The following SEMA6D variants were observed in gnomAD, a reference collection of about 807,000 sequenced individuals.
The protein encoded by SEMA6D is semaphorin-6D.
In SEMA6D, 35 loss-of-function variants were observed where a neutral mutation model predicts 106.6. That is an observed-to-expected ratio of 0.33 (90% confidence interval 0.25 to 0.44). SEMA6D has a LOEUF of 0.44. SEMA6D is among the 20% of genes least tolerant of loss of function. The pLI is 1.00. For synonymous variants in SEMA6D, 499 were observed against 487.7 expected (o/e 1.02, Z -0.31); for missense variants, 1,185 against 1,345.9 (o/e 0.88, Z 1.87).
At chr15:47,591,158 C>G (rs924356948) in intron 3 of SEMA6D, among the ~76,000 whole-genome samples, 3 of 152,164 alleles carry the variant, frequency 2.0e-5, no homozygotes, top group African/African-American at 7.2e-5. Context: ...GTTGCTGCAT[C>G]CTCATGAGGT....
chr15:47,475,021 A>G (rs1399778476), intron 3 of SEMA6D, among the ~76,000 whole-genome samples: 2 of 152,148 alleles, frequency 1.3e-5, no homozygotes, highest in East Asian at 3.8e-4. Context: ...CCCTGCTGAC[A>G]TTTCATTGGC....
At chr15:47,617,813 G>C (rs181602587) in intron 4 of SEMA6D, among the ~76,000 whole-genome samples, 3 of 152,186 alleles carry the variant, frequency 2.0e-5, no homozygotes, top group Non-Finnish European at 4.4e-5. Flanking sequence ...TAAACACTTA[G>C]AACATTGCCT....
At chr15:47,433,187 T>A (rs1344514459) in intron 2 of SEMA6D, among the ~76,000 whole-genome samples, 1 of 152,088 alleles carries the variant, frequency 6.6e-6, no homozygotes, top group Non-Finnish European at 1.5e-5. Context: ...TTCTTCTTAA[T>A]TATGTTGTTA....
intron 2 of SEMA6D, among the ~76,000 whole-genome samples, chr15:47,441,312 A>G (rs2041874327): frequency 6.6e-6 from 1 of 152,128 alleles, no homozygotes; most frequent in Non-Finnish European, 1.5e-5. Flanking sequence ...GACAAGTTAA[A>G]CAGAGAAGTA....
chr15:47,641,067 G>A (rs1418145962), intron 4 of SEMA6D, among the ~76,000 whole-genome samples: 3 of 152,152 alleles, frequency 2.0e-5, no homozygotes, highest in South Asian at 2.1e-4. Flanking sequence ...TAAATGGAGC[G>A]GAGTGGGAGG....
In SEMA6D at chr15:47,773,737, A is replaced by G. The variant is rs1158158044; in HGVS notation, c.*1952A>G. The G allele has an allele frequency of 6.6e-6, 1 of 152,636 alleles. No individual in the cohort carries two copies. Among genetic ancestry groups the G allele is most frequent in the African/African-American group, 2.4e-5 (1 of 41,440 alleles). 9.5% of individuals were successfully genotyped at this position (152,636 alleles called of 1,614,324 possible). On this transcript the variant is annotated 3_prime_UTR_variant, in exon 19 of 19. Transcript: ENST00000536845. ...AAAATTTCTGTTCTTGAAACACTTCAGCTTTGCAACTAAAATATTACAGAT... is the reference window on the plus strand; with the variant it reads ...AAAATTTCTGTTCTTGAAACACTTCGGCTTTGCAACTAAAATATTACAGAT...
chr15:47,362,532 C>T (rs2038851817), intron 1 of SEMA6D, among the ~76,000 whole-genome samples: 1 of 152,186 alleles, frequency 6.6e-6, no homozygotes, highest in Non-Finnish European at 1.5e-5. Flanking sequence ...GCACTGATGC[C>T]TGCTGACTAC....
At chr15:47,367,913 G>A (rs1027706588) in intron 1 of SEMA6D, among the ~76,000 whole-genome samples, 1 of 151,588 alleles carries the variant, frequency 6.6e-6, no homozygotes, top group African/African-American at 2.4e-5. Context: ...GTTTAGCTTT[G>A]ACAAGATGAG....
At chr15:47,394,314 A>G (rs1320862758) in intron 1 of SEMA6D, among the ~76,000 whole-genome samples, 1 of 152,218 alleles carries the variant, frequency 6.6e-6, no homozygotes, top group Non-Finnish European at 1.5e-5. Flanking sequence ...TTACAAAAAA[A>G]GAAAAGAAAA....
At chr15:47,314,665 A>T (rs1664360475) in intron 1 of SEMA6D, among the ~76,000 whole-genome samples, 1 of 149,698 alleles carries the variant, frequency 6.7e-6, no homozygotes, top group Non-Finnish European at 1.5e-5. Context: ...TTTTAATCAG[A>T]TACTTCTTTT....
chr15:47,442,310 T>C (rs544463076), intron 2 of SEMA6D, among the ~76,000 whole-genome samples: 17 of 152,232 alleles, frequency 1.1e-4, no homozygotes, highest in Admixed American at 8.5e-4. Flanking sequence ...GGCAGTGGGC[T>C]ATAACCACCC....
intron 1 of SEMA6D, among the ~76,000 whole-genome samples, chr15:47,213,598 A>G (rs922869126): frequency 6.6e-6 from 1 of 152,204 alleles, no homozygotes; most frequent in African/African-American, 2.4e-5. Flanking sequence ...ATGCTTAGCT[A>G]TCCCCAGGTT....
intron 1 of SEMA6D, among the ~76,000 whole-genome samples, chr15:47,360,924 C>A (rs2038781860): frequency 6.6e-6 from 1 of 152,214 alleles, no homozygotes; most frequent in Admixed American, 6.5e-5. Context: ...GTCTTTGAAA[C>A]CAGCCAACCT....
chr15:47,365,463 T>G (rs1225608136), intron 1 of SEMA6D, among the ~76,000 whole-genome samples: 3 of 152,166 alleles, frequency 2.0e-5, no homozygotes, highest in Non-Finnish European at 4.4e-5. Flanking sequence ...CAGATAGAAA[T>G]TTGTTTCTAA....
intron 2 of SEMA6D, among the ~76,000 whole-genome samples, chr15:47,439,039 G>C (rs395722): frequency 6.6e-6 from 1 of 151,306 alleles, no homozygotes; most frequent in Non-Finnish European, 1.5e-5. Context: ...GAGTTCACCA[G>C]CTAAAAGAAA....
At chr15:47,335,985 G>A (rs570629794) in intron 1 of SEMA6D, among the ~76,000 whole-genome samples, 9 of 152,124 alleles carry the variant, frequency 5.9e-5, no homozygotes, top group Non-Finnish European at 1.2e-4. Context: ...AAGTCAGAAG[G>A]CAGAGATTAC....
rs150702273 is a variant in SEMA6D, at chr15:47,200,221, T to G, written c.-239+15803T>G. Among the ~76,000 whole-genome samples the G allele has an allele frequency of 2.4e-3, 367 of 152,266 alleles. 3 individuals are homozygous for G. The highest frequency in any genetic ancestry group is 8.6e-3 in the African/African-American group (356 of 41,562). On this transcript the variant is annotated intron_variant, in intron 1 of 19. Coordinates refer to the SEMA6D transcript ENST00000558014. ...AAATCACAAGACTCCAGTTTTGATT[T>G]AGCTCCCCTTGCTTCCTCAATCTGT...
intron 1 of SEMA6D, among the ~76,000 whole-genome samples, chr15:47,245,504 A>G (rs1325736826): frequency 6.6e-6 from 1 of 152,218 alleles, no homozygotes; most frequent in African/African-American, 2.4e-5. Context: ...AGCAAGTCAG[A>G]ACTCTCAGAT....
chr15:47,333,330 C>T (rs1020339049), intron 1 of SEMA6D, among the ~76,000 whole-genome samples: 16 of 151,744 alleles, frequency 1.1e-4, no homozygotes, highest in African/African-American at 2.9e-4. Context: ...TTGATCAAAA[C>T]CTAAAGAAAA....
Sources: allele counts gnomAD v4.1 joint callset (sites outside exome capture counted in the v4.1 genomes callset), GRCh38; gene constraint gnomAD v4.1.1; transcripts MANE v1.5; gene names NCBI Gene and HGNC (gene_info 2026-07-23, HGNC 2026-07-21).